Variants in ZNF618 observed in about 807,000 individuals in gnomAD.
The protein encoded by ZNF618 is neural precursor cell expressed, developmentally down-regulated 10.
A neutral mutation model predicts 103.0 loss-of-function variants in ZNF618; 34 were observed. The observed-to-expected ratio is 0.33, with a 90% CI of 0.25 to 0.44. The LOEUF is 0.44. Among genes scored for constraint, ZNF618 ranks in the 20% least tolerant of loss-of-function variants. The pLI is 1.00. For synonymous variants in ZNF618, 551 were observed against 542.2 expected, an observed-to-expected ratio of 1.02 and a Z score of -0.23; for missense variants, 1,059 against 1,295.4, an observed-to-expected ratio of 0.82 and a Z score of 2.80.
At chr9:113,999,325 G>A (rs1161775870) in intron 4 of ZNF618, among the ~76,000 whole-genome samples, 1 of 150,522 alleles carries the variant, frequency 6.6e-6, no homozygotes, top group African/African-American at 2.5e-5. Context: ...TGGGTTTTAG[G>A]CTGAGCGAGG....
chr9:114,047,940 G>A lies in ZNF618; in HGVS notation c.1294G>A (p.Ala432Thr), dbSNP rs1845804114. The A allele has an allele frequency of 6.2e-7, 1 of 1,602,762 alleles. No homozygotes were observed. The highest frequency in any genetic ancestry group is 1.3e-5 in the African/African-American group (1 of 74,790). Residue 432 changes from alanine (A) to threonine (T), a missense_variant, in exon 14 of 15, where the codon GCT becomes ACT. Physicochemically the swap from Ala to Thr is moderately conservative, Grantham distance 58 (BLOSUM62 0). Transcript: ENST00000374126. ...IASNQSRSPP[A>T]VVEEKWKPQA... ...CTCCAACCAGTCCCGATCGCCACCT[G>A]CTGTTGTAGAAGAGAAGTGGAAACC...
intron 1 of ZNF618, among the ~76,000 whole-genome samples, chr9:113,959,638 G>T (rs890215344): frequency 1.1e-4 from 17 of 151,942 alleles, no homozygotes; most frequent in Admixed American, 2.6e-4. Context: ...ATGAAGTTTT[G>T]CTCTCGTTGC....
intron 1 of ZNF618, among the ~76,000 whole-genome samples, chr9:113,887,696 T>C (rs1367148807): frequency 6.6e-6 from 1 of 152,196 alleles, no homozygotes; most frequent in Non-Finnish European, 1.5e-5. Flanking sequence ...CTCCCTTGAC[T>C]TCCAGCCTGG....
chr9:113,894,984 G>A (rs908120758), intron 1 of ZNF618, among the ~76,000 whole-genome samples: 2 of 152,010 alleles, frequency 1.3e-5, no homozygotes, highest in Non-Finnish European at 2.9e-5. Context: ...AATAATAACA[G>A]GGATAACAAG....
At chr9:113,896,036 T>G (rs1356889327) in intron 1 of ZNF618, among the ~76,000 whole-genome samples, 1 of 145,592 alleles carries the variant, frequency 6.9e-6, no homozygotes, top group Non-Finnish European at 1.5e-5. Context: ...TTTCCTAAAC[T>G]GATTTTTTTT....
At chr9:113,970,422 C>G (rs1837844269) in intron 2 of ZNF618, among the ~76,000 whole-genome samples, 2 of 152,158 alleles carry the variant, frequency 1.3e-5, no homozygotes, top group African/African-American at 4.8e-5. Flanking sequence ...GGCCGGAGGT[C>G]TCTGTAACCC....
chr9:114,032,591 C>T, intron 11 of ZNF618, 54 bp from the exon 12 acceptor site: 1 of 1,553,534 alleles, frequency 6.4e-7, no homozygotes, highest in Non-Finnish European at 8.9e-7. Flanking sequence ...TCCCTTGAGA[C>T]CTAGTGCTGA....
intron 1 of ZNF618, among the ~76,000 whole-genome samples, chr9:113,962,437 A>C (rs1197882702): frequency 6.6e-6 from 1 of 152,180 alleles, no homozygotes; most frequent in Non-Finnish European, 1.5e-5. Context: ...CTAAAATGTA[A>C]GTCAAAGTAT....
intron 2 of ZNF618, among the ~76,000 whole-genome samples, chr9:113,978,822 A>C (rs1212167271): frequency 1.3e-5 from 2 of 152,144 alleles, no homozygotes; most frequent in South Asian, 4.1e-4. Flanking sequence ...GAAACCAAAA[A>C]ATCCCATATC....
chr9:113,886,158 C>T (rs1047082455), intron 1 of ZNF618, among the ~76,000 whole-genome samples: 6 of 152,160 alleles, frequency 3.9e-5, no homozygotes, highest in Admixed American at 2.0e-4. Context: ...GTCCCTGGCT[C>T]GCAGTTTGCT....
chr9:113,955,130 G>A (rs971319256), intron 1 of ZNF618, among the ~76,000 whole-genome samples: 4 of 148,636 alleles, frequency 2.7e-5, no homozygotes, highest in Non-Finnish European at 5.9e-5. Flanking sequence ...CATTTAAAGG[G>A]CCTAGAGTGA....
At position 114,000,361 on chromosome 9, in the gene ZNF618, G is replaced by A. The variant is rs147941795; in HGVS notation, c.434-1635G>A. On this transcript the variant is annotated intron_variant, in intron 4 of 14. Transcript: ENST00000374126. ...CCGAGATCAAAAAAAGGATGTGTCC[G>A]AGATCAAACAGATAAGACAAACTTG... Among the ~76,000 whole-genome samples the A allele has an allele frequency of 2.0e-3, 309 of 152,344 alleles. 1 individual carries two copies. The highest frequency in any genetic ancestry group is 7.2e-3 in the African/African-American group (298 of 41,582).
chr9:113,927,770 A>G (rs1384139613), intron 1 of ZNF618, among the ~76,000 whole-genome samples: 1 of 152,194 alleles, frequency 6.6e-6, no homozygotes, highest in African/African-American at 2.4e-5. Context: ...TGAATAGAAC[A>G]GTATGTTCTG....
intron 10 of ZNF618, among the ~76,000 whole-genome samples, chr9:114,019,218 G>A (rs1842880920): frequency 6.6e-6 from 1 of 152,098 alleles, no homozygotes; most frequent in African/African-American, 2.4e-5. Context: ...ATGTTCTATT[G>A]TATGAAAATA....
chr9:113,959,204 T>C (rs1836606195), intron 1 of ZNF618, among the ~76,000 whole-genome samples: 1 of 152,084 alleles, frequency 6.6e-6, no homozygotes, highest in South Asian at 2.1e-4. Flanking sequence ...CAGGAATTGC[T>C]TGAACCTGGG....
intron 1 of ZNF618, among the ~76,000 whole-genome samples, chr9:113,900,354 G>A (rs1354353803): frequency 6.6e-6 from 1 of 152,170 alleles, no homozygotes; most frequent in African/African-American, 2.4e-5. Flanking sequence ...GAGCCACCAT[G>A]CCTGGCCGAC....
At chr9:113,883,760 C>T (rs985984403) in intron 1 of ZNF618, among the ~76,000 whole-genome samples, 20 of 152,234 alleles carry the variant, frequency 1.3e-4, no homozygotes, top group Admixed American at 2.6e-4. Flanking sequence ...TTCATATTCC[C>T]ACGTTTCCAT....
chr9:113,932,194 T>A (rs1481450510), intron 1 of ZNF618, among the ~76,000 whole-genome samples: 1 of 152,136 alleles, frequency 6.6e-6, no homozygotes, highest in Non-Finnish European at 1.5e-5. Context: ...AGGAAAGACC[T>A]CTCTGATAAA....
At chr9:113,897,247 A>T (rs1221217689) in intron 1 of ZNF618, among the ~76,000 whole-genome samples, 6 of 152,202 alleles carry the variant, frequency 3.9e-5, no homozygotes, top group Non-Finnish European at 7.3e-5. Context: ...TCCTTCATAT[A>T]TGAATGGCAG....
Sources: allele counts gnomAD v4.1 joint callset (sites outside exome capture counted in the v4.1 genomes callset), GRCh38; gene constraint gnomAD v4.1.1; transcripts MANE v1.5; gene names NCBI Gene and HGNC (gene_info 2026-07-23, HGNC 2026-07-21).